TMTC4: variants seen among roughly 807,000 people sequenced by gnomAD.
TMTC4 encodes the protein protein O-mannosyl-transferase TMTC4.
In TMTC4, 65 loss-of-function variants were observed where a neutral mutation model predicts 86.0. The observed-to-expected ratio is 0.76, with a 90% CI of 0.62 to 0.93. TMTC4 has a LOEUF of 0.93. TMTC4 is among the 40% of genes least tolerant of loss of function. The pLI is 0.00. For missense variants in TMTC4, 866 were observed against 948.1 expected (o/e 0.91, Z 1.14); for synonymous variants, 379 against 382.5 (o/e 0.99, Z 0.11).
At position 100,636,661 on chromosome 13, in the gene TMTC4, CA is replaced by C; in HGVS notation, c.1072del (p.Trp358GlyfsTer17). 1 of 1,614,134 alleles carries C rather than the reference CA, an allele frequency of 6.2e-7. No homozygotes were observed. Among genetic ancestry groups the C allele is most frequent in the Non-Finnish European group, 8.5e-7 (1 of 1,180,020 alleles). On this transcript the variant is annotated frameshift_variant, in exon 10 of 19. Coordinates refer to ENST00000342624, the MANE Select transcript of TMTC4 (RefSeq NM_032813.5). LOFTEE classifies it high-confidence loss of function. ...AATGAGGGGGATGCAGCCCATTGAC[CA>C]ATCAAAACACAGCCACCAGGGACAC... ...LLCPWWLCFD[W>X]SMGCIPLIKS... is the part of the protein sequence containing the mutation.
intron 17 of TMTC4, among the ~76,000 whole-genome samples, chr13:100,610,288 C>T (rs895430348): frequency 6.6e-5 from 10 of 152,184 alleles, no homozygotes; most frequent in African/African-American, 2.2e-4. Flanking sequence ...CAGTGCTCTG[C>T]GAGGAAACAC....
chr13:100,642,145 G>C, intron 7 of TMTC4, 66 bp downstream of exon 7: 1 of 1,548,494 alleles, frequency 6.5e-7, no homozygotes, highest in Non-Finnish European at 8.9e-7. Flanking sequence ...GCCAGCCCCA[G>C]ATGTCTTTAT....
chr13:100,634,437 A>G (rs1003236199), intron 12 of TMTC4, among the ~76,000 whole-genome samples: 1 of 152,134 alleles, frequency 6.6e-6, no homozygotes, highest in Non-Finnish European at 1.5e-5. Context: ...GTGGGTTTTG[A>G]AAAGTGTGCT....
chr13:100,625,412 T>C, intron 15 of TMTC4, 123 bp downstream of exon 15: 1 of 1,325,628 alleles, frequency 7.5e-7, no homozygotes, highest in South Asian at 1.2e-5. Flanking sequence ...TCAAATGAGA[T>C]AGAAACATGT....
intron 6 of TMTC4, 68 bp downstream of exon 6, chr13:100,656,313 A>T: frequency 1.4e-6 from 2 of 1,381,966 alleles, no homozygotes; most frequent in Non-Finnish European, 2.0e-6. Flanking sequence ...CCCGTATGTT[A>T]AGACACTGCT....
At chr13:100,634,353 A>C (rs1204201275) in intron 12 of TMTC4, among the ~76,000 whole-genome samples, 1 of 152,114 alleles carries the variant, frequency 6.6e-6, no homozygotes, top group African/African-American at 2.4e-5. Flanking sequence ...GAACTACATT[A>C]TTGCCAATTT....
chr13:100,609,668 A>AAT (rs74276741), intron 17 of TMTC4, among the ~76,000 whole-genome samples: 72,462 of 124,580 alleles, frequency 0.58, 17,727 homozygotes, highest in Admixed American at 0.63. Flanking sequence ...ATGCTCACTA[A>AAT]ATGTATATAT....
rs1251273341 is a variant in TMTC4 at position 100,612,457 on chromosome 13, T to C, written c.2005A>G (p.Asn669Asp). 4 of 1,612,068 alleles carry C rather than the reference T, an allele frequency of 2.5e-6. No homozygotes were observed. The African/African-American group carries it at 5.3e-5, about 22-fold the overall frequency. The change falls in exon 17 of 19, where the codon AAT (asparagine) becomes GAT (aspartate). Residue 669 changes from asparagine (N) to aspartate (D), a missense_variant. Physicochemically the swap from Asn to Asp is conservative, Grantham distance 23. Transcript: ENST00000342624. ...AACGAGAACATGAGAGAGTGATCAT[T>C]AGGTATTAATTCCAGTGCCTCTCTT... is the stretch of plus-strand genomic sequence containing the variant. ...VGREALELIP[N>D]DHSLMFSLAN...
chr13:100,626,883 G>A (rs939282412), intron 12 of TMTC4, among the ~76,000 whole-genome samples: 1 of 152,198 alleles, frequency 6.6e-6, no homozygotes, highest in Non-Finnish European at 1.5e-5. Flanking sequence ...CTAATGTGAT[G>A]GTATTGGGAA....
chr13:100,674,412 C>A, intron 1 of TMTC4: 1 of 921,032 alleles, frequency 1.1e-6, no homozygotes, highest in Non-Finnish European at 1.3e-6. Context: ...GCCGAGGGAG[C>A]GCCGGCGCGG....
intron 12 of TMTC4, among the ~76,000 whole-genome samples, chr13:100,634,123 G>C (rs910788031): frequency 6.8e-6 from 1 of 147,680 alleles, no homozygotes; most frequent in Non-Finnish European, 1.5e-5. Context: ...TGGGTGACAA[G>C]AGAAAGACCC....
intron 15 of TMTC4, 22 bp downstream of exon 15, chr13:100,625,513 G>A: frequency 4.3e-6 from 7 of 1,612,314 alleles, no homozygotes; most frequent in South Asian, 3.3e-5. Flanking sequence ...CCTTCCACAG[G>A]CACAGGGCAC....
intron 6 of TMTC4, among the ~76,000 whole-genome samples, chr13:100,655,782 A>G (rs1331912595): frequency 2.7e-5 from 2 of 74,082 alleles, no homozygotes; most frequent in East Asian, 7.2e-3. Flanking sequence ...CAGGCTTGAT[A>G]AGGTAATAAT....
At chr13:100,670,314 T>C in intron 2 of TMTC4, 46 bp downstream of exon 2, 1 of 1,597,522 alleles carries the variant, frequency 6.3e-7, no homozygotes, top group Non-Finnish European at 8.5e-7. Flanking sequence ...TATAGCCTTC[T>C]GTCTGAGTGA....
intron 7 of TMTC4, among the ~76,000 whole-genome samples, chr13:100,641,709 A>C (rs1278373101): frequency 1.3e-5 from 2 of 151,794 alleles, no homozygotes; most frequent in Admixed American, 1.3e-4. Context: ...CTGGTTTCGA[A>C]CTCCCGACCT....
intron 9 of TMTC4, 137 bp from the exon 10 acceptor site, chr13:100,636,871 C>T (rs1882295958): frequency 8.3e-6 from 7 of 846,250 alleles, no homozygotes; most frequent in Admixed American, 7.0e-5. Flanking sequence ...ATGTTGCCAA[C>T]GTGTATTGGG....
intron 12 of TMTC4, among the ~76,000 whole-genome samples, chr13:100,629,214 G>A (rs1880980553): frequency 6.6e-6 from 1 of 152,230 alleles, no homozygotes; most frequent in Admixed American, 6.5e-5. Context: ...AGCTCCTTTC[G>A]GGACTTTACA....
intron 1 of TMTC4, chr13:100,674,471 C>A: frequency 1.1e-6 from 1 of 919,054 alleles, no homozygotes; most frequent in Non-Finnish European, 1.3e-6. Flanking sequence ...GGCGGAGAAG[C>A]TCAGGGGCCC....
At chr13:100,645,541 C>T (rs988852493) in intron 6 of TMTC4, among the ~76,000 whole-genome samples, 1 of 151,676 alleles carries the variant, frequency 6.6e-6, no homozygotes, top group African/African-American at 2.4e-5. Context: ...ATGTCCCTGA[C>T]TGCCCCTGTG....
Sources: allele counts gnomAD v4.1 joint callset (sites outside exome capture counted in the v4.1 genomes callset), GRCh38; gene constraint gnomAD v4.1.1; transcripts MANE v1.5; gene names NCBI Gene and HGNC (gene_info 2026-07-23, HGNC 2026-07-21).